Variants in RALGAPB observed in about 807,000 individuals in gnomAD.
The protein encoded by RALGAPB is Ral GTPase activating protein non-catalytic subunit beta.
A neutral mutation model predicts 161.1 loss-of-function variants in RALGAPB; 25 were observed. The ratio of observed to expected loss-of-function variants is 0.16; its 90% CI spans 0.11 to 0.22. The LOEUF is 0.22. Among genes scored for constraint, RALGAPB ranks in the 10% least tolerant of loss-of-function variants. RALGAPB has a pLI of 1.00. For missense variants in RALGAPB, 1,391 were observed against 1,815.2 expected (o/e 0.77, Z 4.25); for synonymous variants, 629 against 626.1 (o/e 1.00, Z -0.07).
At position 38,535,198 on chromosome 20, in the gene RALGAPB, C is replaced by T. The variant is rs749189367; in HGVS notation, c.2370C>T (p.Gly790=). The T allele has an allele frequency of 3.1e-6, 5 of 1,614,014 alleles. No homozygotes were observed. Among genetic ancestry groups the T allele is most frequent in the African/African-American group, 1.3e-5 (1 of 74,912 alleles). The change falls in exon 16 of 30, where the codon GGC becomes GGT. Residue 790 remains glycine (G), a synonymous_variant. Coordinates refer to ENST00000262879, the MANE Select transcript of RALGAPB (RefSeq NM_020336.4). ...TGGCAGCTCTAGAGCTCCTCTCTGG[C>T]CTTGCAAAGGTGAGGAAGACAGTCC... ...ISLAALELLS[G]LAKVKVMVDS...
In RALGAPB at chr20:38,473,038, C is replaced by T. The variant is rs1163980159; in HGVS notation, c.-62C>T. The T allele has an allele frequency of 1.3e-5, 5 of 385,338 alleles. No homozygotes were observed. Among genetic ancestry groups the T allele is most frequent in the African/African-American group, 4.2e-5 (2 of 47,986 alleles). The allele number at this position is 385,338 out of a possible 1,614,324, so 23.9% of individuals were successfully genotyped here. On this transcript the variant is annotated 5_prime_UTR_variant, in exon 1 of 30. Transcript: ENST00000262879. Reference sequence around the variant, plus strand: ...GAGGACGGCCGGCGGCGGCGCCCGCCCCGGCGATGCGGGCCCCGCCCGTCG... The same window carrying T: ...GAGGACGGCCGGCGGCGGCGCCCGCTCCGGCGATGCGGGCCCCGCCCGTCG...
At chr20:38,545,213 AT>A (rs1286838908) in intron 18 of RALGAPB, among the ~76,000 whole-genome samples, 1 of 152,106 alleles carries the variant, frequency 6.6e-6, no homozygotes, top group African/African-American at 2.4e-5. Context: ...GTCCACAGGG[AT>A]TTTTAAATTT....
intron 6 of RALGAPB, among the ~76,000 whole-genome samples, chr20:38,510,740 C>T (rs1335546382): frequency 3.8e-5 from 5 of 130,334 alleles, no homozygotes; most frequent in African/African-American, 8.6e-5. Flanking sequence ...GAAACCCCGT[C>T]TCTACTAAAA....
intron 6 of RALGAPB, among the ~76,000 whole-genome samples, chr20:38,511,193 A>G (rs2085937559): frequency 6.6e-6 from 1 of 152,226 alleles, no homozygotes; most frequent in Non-Finnish European, 1.5e-5. Flanking sequence ...ACCACACTTA[A>G]TTGCAAGAGA....
intron 21 of RALGAPB, among the ~76,000 whole-genome samples, chr20:38,552,448 A>C (rs2145441927): frequency 6.6e-6 from 1 of 152,296 alleles, no homozygotes; most frequent in African/African-American, 2.4e-5. Context: ...CCCGGCCAGA[A>C]AAGGCTAGTT....
chr20:38,563,862 T>C (rs919582646), intron 24 of RALGAPB, among the ~76,000 whole-genome samples: 44 of 152,352 alleles, frequency 2.9e-4, no homozygotes, highest in Non-Finnish European at 5.3e-4. Context: ...ATATTTTGGC[T>C]TTGTCCCCAG....
At chr20:38,569,414 G>A (rs943172753) in intron 26 of RALGAPB, 1 of 155,784 alleles carries the variant, frequency 6.4e-6, no homozygotes, top group African/African-American at 2.4e-5. Context: ...TCTTTCTACT[G>A]ATGAGAAAAA....
At chr20:38,573,104 A>G (rs1321220478) in intron 28 of RALGAPB, among the ~76,000 whole-genome samples, 1 of 151,698 alleles carries the variant, frequency 6.6e-6, no homozygotes, top group Non-Finnish European at 1.5e-5. Flanking sequence ...TTAAAAAAAC[A>G]AAACAAAACT....
At chr20:38,515,396 C>T (rs541147661) in intron 6 of RALGAPB, among the ~76,000 whole-genome samples, 3 of 152,216 alleles carry the variant, frequency 2.0e-5, no homozygotes, top group South Asian at 2.1e-4. Context: ...TTCTGTTTAC[C>T]GGCTTTAGAT....
chr20:38,477,642 T>C (rs1487405198), intron 1 of RALGAPB, among the ~76,000 whole-genome samples: 1 of 152,210 alleles, frequency 6.6e-6, no homozygotes, highest in Non-Finnish European at 1.5e-5. Context: ...ATTTATTTGC[T>C]CAGTGTTTTA....
chr20:38,473,749 C>T (rs766816931), intron 1 of RALGAPB, among the ~76,000 whole-genome samples: 4 of 152,182 alleles, frequency 2.6e-5, no homozygotes, highest in Non-Finnish European at 5.9e-5. Flanking sequence ...GTAGAATCAC[C>T]TGGGGGAAAT....
chr20:38,545,532 C>T (rs2087133995), intron 18 of RALGAPB, among the ~76,000 whole-genome samples: 1 of 152,194 alleles, frequency 6.6e-6, no homozygotes, highest in Non-Finnish European at 1.5e-5. Flanking sequence ...TACAGCACCA[C>T]ATTTGTCATC....
chr20:38,549,549 A>AAAT (rs1555882892), intron 20 of RALGAPB, among the ~76,000 whole-genome samples: 3 of 131,110 alleles, frequency 2.3e-5, no homozygotes, highest in Admixed American at 7.9e-5. Flanking sequence ...AAAAAAAAAA[A>AAAT]ATATATATAT....
At position 38,505,215 on chromosome 20, in the gene RALGAPB, G is replaced by A. The variant is rs59033379; in HGVS notation, c.741-3862G>A. On this transcript the variant is annotated intron_variant, in intron 5 of 29. Coordinates refer to ENST00000262879, the MANE Select transcript of RALGAPB (RefSeq NM_020336.4). ...TGGTAGACTGGGTAAAGAAAATGTGGCACATATGCACCATGGAATACTATG... is the reference window on the plus strand; with the variant it reads ...TGGTAGACTGGGTAAAGAAAATGTGACACATATGCACCATGGAATACTATG... 8.5e-3 allele frequency among the ~76,000 whole-genome samples: 1,301 copies of A among 152,300 alleles called. 17 individuals carry two copies. The highest frequency in any genetic ancestry group is 0.031 in the Middle Eastern group (9 of 294).
chr20:38,495,357 A>G (rs993028824), intron 3 of RALGAPB, among the ~76,000 whole-genome samples: 1 of 152,114 alleles, frequency 6.6e-6, no homozygotes, highest in African/African-American at 2.4e-5. Flanking sequence ...TTAAGGTTTT[A>G]ATTGCTCACA....
chr20:38,540,745 T>A (rs1165557794), intron 17 of RALGAPB, among the ~76,000 whole-genome samples: 1 of 152,160 alleles, frequency 6.6e-6, no homozygotes, highest in Non-Finnish European at 1.5e-5. Flanking sequence ...CTATTTAATC[T>A]CTTAGATTTG....
intron 27 of RALGAPB, among the ~76,000 whole-genome samples, 173 bp downstream of exon 27, chr20:38,570,169 T>C (rs574075560): frequency 6.6e-6 from 1 of 152,314 alleles, no homozygotes; most frequent in South Asian, 2.1e-4. Flanking sequence ...AGCCTTAGAT[T>C]ACTCCTCTGT....
chr20:38,476,138 G>A (rs558467250), intron 1 of RALGAPB, among the ~76,000 whole-genome samples: 1 of 152,150 alleles, frequency 6.6e-6, no homozygotes, highest in Non-Finnish European at 1.5e-5. Context: ...AAGGCTGAAG[G>A]TTTAAGTCTG....
rs778173447 is a variant in RALGAPB, at chr20:38,509,126, G to A, written c.790G>A (p.Asp264Asn). The change falls in exon 6 of 30, where the codon GAT becomes AAT. Residue 264 changes from aspartate (D) to asparagine (N), a missense_variant. By Grantham distance (23) the Asp-to-Asn change is conservative (BLOSUM62 1). Transcript: ENST00000262879. ...TTCATTTCCTGCATTTAAAGTTCCCGATGAAGATGCCAGTCTGATCCCTCC... is the reference window on the plus strand; with the variant it reads ...TTCATTTCCTGCATTTAAAGTTCCCAATGAAGATGCCAGTCTGATCCCTCC... The part of the protein sequence containing the change: ...GPSFPAFKVP[D>N]EDASLIPPEM... 6 of 1,613,296 alleles carry A rather than the reference G, an allele frequency of 3.7e-6. No homozygotes were observed. The highest frequency in any genetic ancestry group is 3.3e-5 in the Admixed American group (2 of 60,006).
Sources: allele counts gnomAD v4.1 joint callset (sites outside exome capture counted in the v4.1 genomes callset), GRCh38; gene constraint gnomAD v4.1.1; transcripts MANE v1.5; gene names NCBI Gene and HGNC (gene_info 2026-07-23, HGNC 2026-07-21).